The following ZMAT4 variants were observed in gnomAD, a reference collection of about 807,000 sequenced individuals.
The protein encoded by ZMAT4 is zinc finger matrin-type 4, also known as zinc finger matrin-type protein 4.
In ZMAT4, 17 loss-of-function variants were observed where a neutral mutation model predicts 28.7. The observed-to-expected ratio is 0.59, with a 90% confidence interval of 0.41 to 0.89. The LOEUF (loss-of-function observed/expected upper bound fraction) is 0.89. Ranked by LOEUF, ZMAT4 falls within the 40% of genes least tolerant of loss-of-function variation. The probability of loss-of-function intolerance (pLI) is 0.00; values close to 1 mark genes in which losing one functional copy is unlikely to be tolerated. For missense variants in ZMAT4, 240 were observed against 283.8 expected, an observed-to-expected ratio of 0.85 and a Z score of 1.11; for synonymous variants, 117 against 109.2, an observed-to-expected ratio of 1.07 and a Z score of -0.44.
At chr8:40,869,280 T>G (rs1817772572) in intron 1 of ZMAT4, among the ~76,000 whole-genome samples, 1 of 149,228 alleles carries the variant, frequency 6.7e-6, no homozygotes, top group South Asian at 2.1e-4. Context: ...ACCACTGTCT[T>G]ATAGAATATT....
At chr8:40,808,547 T>C (rs532361837) in intron 2 of ZMAT4, 1 of 455,478 alleles carries the variant, frequency 2.2e-6, no homozygotes, top group African/African-American at 2.0e-5. Flanking sequence ...GTTACATTGC[T>C]CATTCCCAGA....
chr8:40,823,530 G>A (rs903436506), intron 2 of ZMAT4, among the ~76,000 whole-genome samples: 8 of 152,086 alleles, frequency 5.3e-5, no homozygotes, highest in Admixed American at 3.3e-4. Flanking sequence ...GTGGTGTCAC[G>A]CGCCTGTAGT....
intron 2 of ZMAT4, among the ~76,000 whole-genome samples, chr8:40,802,807 C>T (rs756390257): frequency 1.2e-4 from 19 of 152,290 alleles, no homozygotes; most frequent in Non-Finnish European, 2.1e-4. Flanking sequence ...ACTGACACTA[C>T]GTGACTTCAA....
At chr8:40,636,800 G>A (rs1806808162) in intron 5 of ZMAT4, among the ~76,000 whole-genome samples, 1 of 152,064 alleles carries the variant, frequency 6.6e-6, no homozygotes, top group South Asian at 2.1e-4. Flanking sequence ...CTTTAATGAG[G>A]GACTGGGGCC....
At chr8:40,743,378 G>A (rs1033212935) in intron 3 of ZMAT4, among the ~76,000 whole-genome samples, 1 of 152,184 alleles carries the variant, frequency 6.6e-6, no homozygotes, top group Non-Finnish European at 1.5e-5. Flanking sequence ...GAAATCGGGA[G>A]GAGCCCCAGA....
intron 1 of ZMAT4, among the ~76,000 whole-genome samples, chr8:40,849,177 AG>A (rs1436863889): frequency 1.3e-5 from 2 of 152,246 alleles, no homozygotes; most frequent in African/African-American, 4.8e-5. Flanking sequence ...CTGGGGGCCA[AG>A]GGGCGTGGGA....
At chr8:40,676,488 C>T (rs1054626792) in intron 4 of ZMAT4, among the ~76,000 whole-genome samples, 21 of 152,032 alleles carry the variant, frequency 1.4e-4, no homozygotes, top group African/African-American at 4.6e-4. Flanking sequence ...TTAGGGTTGT[C>T]GTTCCAAGGA....
At chr8:40,590,242 G>C (rs965102280) in intron 5 of ZMAT4, among the ~76,000 whole-genome samples, 2 of 150,992 alleles carry the variant, frequency 1.3e-5, no homozygotes, top group Admixed American at 6.6e-5. Flanking sequence ...ATGTTGTCCA[G>C]GCAGTTCTCA....
intron 3 of ZMAT4, among the ~76,000 whole-genome samples, chr8:40,733,981 G>C (rs368957143): frequency 2.0e-5 from 3 of 152,126 alleles, no homozygotes; most frequent in African/African-American, 7.2e-5. Context: ...CTAAAATGGT[G>C]GAGACACTAT....
intron 1 of ZMAT4, among the ~76,000 whole-genome samples, chr8:40,832,966 T>C (rs1192734227): frequency 6.6e-6 from 1 of 152,224 alleles, no homozygotes; most frequent in Non-Finnish European, 1.5e-5. Context: ...TTTGGTACTT[T>C]GGTGGCTGTT....
At chr8:40,832,544 C>CA (rs971857406) in intron 1 of ZMAT4, among the ~76,000 whole-genome samples, 1 of 152,190 alleles carries the variant, frequency 6.6e-6, no homozygotes, top group African/African-American at 2.4e-5. Context: ...CCTGCTCACC[C>CA]ATGCCACCAC....
At chr8:40,710,037 CAA>C (rs35882795) in intron 3 of ZMAT4, among the ~76,000 whole-genome samples, 18,569 of 78,016 alleles carry the variant, frequency 0.24, 1,372 homozygotes, top group East Asian at 0.46. Context: ...GACCCAGTCT[CAA>C]AAAAAAAAAA....
intron 6 of ZMAT4, among the ~76,000 whole-genome samples, chr8:40,574,795 T>A (rs1418224705): frequency 6.6e-6 from 1 of 152,168 alleles, no homozygotes; most frequent in African/African-American, 2.4e-5. Context: ...GCCCACATTG[T>A]CACTGCAGAC....
chr8:40,771,888 C>T (rs1813403743), intron 2 of ZMAT4, among the ~76,000 whole-genome samples: 2 of 152,040 alleles, frequency 1.3e-5, no homozygotes, highest in South Asian at 4.2e-4. Context: ...TTACTTTTTC[C>T]CAAGATTTAT....
chr8:40,726,247 T>C (rs939451661), intron 3 of ZMAT4, among the ~76,000 whole-genome samples: 4 of 152,248 alleles, frequency 2.6e-5, no homozygotes, highest in Admixed American at 6.5e-5. Flanking sequence ...GTCAAAGATA[T>C]TTTGTGTTAA....
intron 5 of ZMAT4, among the ~76,000 whole-genome samples, chr8:40,635,340 C>G (rs1806751908): frequency 6.6e-6 from 1 of 152,064 alleles, no homozygotes; most frequent in Non-Finnish European, 1.5e-5. Context: ...TTTTATCTGC[C>G]TCTCTGCCTC....
intron 3 of ZMAT4, 48 bp from the exon 4 acceptor site, chr8:40,697,449 T>C: frequency 6.9e-7 from 1 of 1,443,004 alleles, no homozygotes. Context: ...CCCATTCCAT[T>C]CTTTTACAAA....
chr8:40,862,754 A>G (rs1177693953), intron 1 of ZMAT4, among the ~76,000 whole-genome samples: 3 of 151,446 alleles, frequency 2.0e-5, no homozygotes, highest in Non-Finnish European at 4.4e-5. Context: ...TCTCACTCAT[A>G]GGTGGGAATT....
chr8:40,544,996 G>A (rs1048648094), intron 6 of ZMAT4, among the ~76,000 whole-genome samples: 1 of 152,136 alleles, frequency 6.6e-6, no homozygotes, highest in African/African-American at 2.4e-5. Flanking sequence ...AAAATACTGT[G>A]TTTTCCATCT....
Sources: allele counts gnomAD v4.1 joint callset (sites outside exome capture counted in the v4.1 genomes callset), GRCh38; gene constraint gnomAD v4.1.1; transcripts MANE v1.5; gene names NCBI Gene and HGNC (gene_info 2026-07-23, HGNC 2026-07-21).